The following DNER variants were observed in gnomAD, a reference collection of about 807,000 sequenced individuals.
DNER encodes delta and Notch-like epidermal growth factor-related receptor.
DNER carries 33 observed loss-of-function variants against 78.2 expected under a neutral mutation model. That is an observed-to-expected ratio of 0.42 (90% CI 0.32 to 0.56). DNER has a LOEUF of 0.56. Among genes scored for constraint, DNER ranks in the 20% least tolerant of loss-of-function variants. The probability of loss-of-function intolerance (pLI) is 0.11; values close to 1 mark genes in which losing one functional copy is unlikely to be tolerated. For synonymous variants in DNER, 417 were observed against 384.8 expected, an observed-to-expected ratio of 1.08 and a Z score of -0.98; for missense variants, 918 against 975.3, an observed-to-expected ratio of 0.94 and a Z score of 0.78.
At position 229,386,307 on chromosome 2, in the gene DNER, T is replaced by C. The variant is rs185915948; in HGVS notation, c.1855+1958A>G. Among the ~76,000 whole-genome samples, 416 of 152,268 alleles carry C rather than the reference T, an allele frequency of 2.7e-3. 2 individuals carry two copies. Among genetic ancestry groups the C allele is most frequent in the East Asian group, 0.011 (56 of 5,186 alleles). On this transcript the variant is annotated intron_variant, in intron 11 of 12. Transcript: ENST00000341772. ...AACTGGACCCCTTCCTTACACCTTATACAAAAACTAACTCAAGATGGATAA... is the reference window on the plus strand; with the variant it reads ...AACTGGACCCCTTCCTTACACCTTACACAAAAACTAACTCAAGATGGATAA...
chr2:229,590,852 TAGG>T (rs1488004441), intron 2 of DNER, among the ~76,000 whole-genome samples: 16 of 152,210 alleles, frequency 1.1e-4, no homozygotes. Context: ...TGAGGTCTGG[TAGG>T]AGATGTTTGG....
At chr2:229,653,809 T>C (rs1278943566) in intron 1 of DNER, among the ~76,000 whole-genome samples, 2 of 152,190 alleles carry the variant, frequency 1.3e-5, no homozygotes, top group Non-Finnish European at 2.9e-5. Context: ...CCTTAGGCCA[T>C]CTGATTACCC....
Position 229,447,526 on chromosome 2 carries a change from C to T in DNER, c.1276G>A (p.Ala426Thr), listed in dbSNP as rs1574847384. The change falls in exon 8 of 13, where the codon GCT (alanine) becomes ACT (threonine). Residue 426 changes from alanine (A) to threonine (T), a missense_variant. Transcript: ENST00000341772. ...CQCPEGYFGSACEEKVDPCAS... is the reference protein window; with the variant it reads ...CQCPEGYFGSTCEEKVDPCAS... ...CAGGGGTCCACCTTTTCTTCACAAG[C>T]AGATCCGAAGTATCCTGTGAAAAAA... 6.2e-7 allele frequency: 1 copy of T among 1,614,074 alleles called. No homozygotes were observed. The highest frequency in any genetic ancestry group is 1.1e-5 in the South Asian group (1 of 91,054).
intron 1 of DNER, among the ~76,000 whole-genome samples, chr2:229,648,293 A>G (rs528920144): frequency 1.8e-4 from 27 of 152,354 alleles, no homozygotes; most frequent in African/African-American, 6.3e-4. Context: ...TACCTAGTAG[A>G]TGCTCAATAA....
intron 6 of DNER, among the ~76,000 whole-genome samples, chr2:229,502,441 G>A (rs1695641141): frequency 6.6e-6 from 1 of 152,132 alleles, no homozygotes. Context: ...TTGTCAATAA[G>A]AGAGACAGAG....
chr2:229,487,912 C>G (rs74721862), intron 6 of DNER, among the ~76,000 whole-genome samples: 7 of 152,340 alleles, frequency 4.6e-5, no homozygotes, highest in African/African-American at 1.7e-4. Flanking sequence ...GCCGGGGAAA[C>G]AAGGCTAGGC....
chr2:229,614,350 T>G (rs75611426), intron 1 of DNER, among the ~76,000 whole-genome samples: 6,034 of 152,212 alleles, frequency 0.04, 181 homozygotes, highest in East Asian at 0.13. Flanking sequence ...CATCTGAAGA[T>G]AAGCATCTAA....
intron 1 of DNER, among the ~76,000 whole-genome samples, chr2:229,633,645 G>C (rs1698477173): frequency 6.6e-6 from 1 of 152,200 alleles, no homozygotes; most frequent in African/African-American, 2.4e-5. Context: ...AGGCAGGCTG[G>C]AACAGAAAGC....
intron 5 of DNER, among the ~76,000 whole-genome samples, chr2:229,514,212 A>G (rs1695926458): frequency 6.6e-6 from 1 of 152,222 alleles, no homozygotes; most frequent in African/African-American, 2.4e-5. Context: ...TTACACAGGA[A>G]TAAAATACTA....
intron 7 of DNER, among the ~76,000 whole-genome samples, chr2:229,457,562 G>A (rs1163238220): frequency 1.3e-5 from 2 of 151,804 alleles, no homozygotes; most frequent in Non-Finnish European, 2.9e-5. Flanking sequence ...TAGCTAAGAA[G>A]CCAGTTAAGA....
chr2:229,431,352 G>C (rs1234636049), intron 8 of DNER, among the ~76,000 whole-genome samples: 1 of 152,036 alleles, frequency 6.6e-6, no homozygotes, highest in East Asian at 1.9e-4. Flanking sequence ...GTGTCTAAAG[G>C]CCTTTGACTT....
intron 1 of DNER, among the ~76,000 whole-genome samples, chr2:229,711,226 G>C (rs1699907759): frequency 6.6e-6 from 1 of 152,102 alleles, no homozygotes; most frequent in Non-Finnish European, 1.5e-5. Context: ...GGAACCCCTG[G>C]GCTTTCTTAT....
intron 5 of DNER, among the ~76,000 whole-genome samples, chr2:229,545,694 G>A (rs995249371): frequency 6.6e-6 from 1 of 152,242 alleles, no homozygotes; most frequent in African/African-American, 2.4e-5. Context: ...AGGAGGCAGA[G>A]GAGGAAGCTG....
intron 6 of DNER, among the ~76,000 whole-genome samples, chr2:229,491,350 A>C (rs1317275650): frequency 6.6e-6 from 1 of 152,178 alleles, no homozygotes; most frequent in African/African-American, 2.4e-5. Context: ...GCAGAAAAAG[A>C]AGGCAGCTCT....
chr2:229,549,710 G>A (rs940686875), intron 4 of DNER, among the ~76,000 whole-genome samples: 4 of 152,062 alleles, frequency 2.6e-5, no homozygotes, highest in Non-Finnish European at 5.9e-5. Context: ...AGGAGTTCAA[G>A]ACCAGCCTGG....
chr2:229,407,791 A>AG (rs1049453577), intron 9 of DNER, among the ~76,000 whole-genome samples: 1 of 152,210 alleles, frequency 6.6e-6, no homozygotes, highest in African/African-American at 2.4e-5. Context: ...GAAGAACTGC[A>AG]GGGGAGAGGG....
chr2:229,536,170 T>C lies in DNER; in HGVS notation c.993+10777A>G, dbSNP rs145362486. 6.4e-4 allele frequency among the ~76,000 whole-genome samples: 97 copies of C among 152,344 alleles called. 2 individuals carry two copies. In the East Asian group the frequency reaches 0.017, roughly 26 times the overall value. On this transcript the variant is annotated intron_variant, in intron 5 of 12. Transcript: ENST00000341772. ...AGTACCAACTTGCATCTGATGGTCATTGGCTAGTTACATAGTTAGAGGCTG... is the reference window on the plus strand; with the variant it reads ...AGTACCAACTTGCATCTGATGGTCACTGGCTAGTTACATAGTTAGAGGCTG...
At chr2:229,568,507 A>C (rs1475601031) in intron 4 of DNER, among the ~76,000 whole-genome samples, 1 of 152,234 alleles carries the variant, frequency 6.6e-6, no homozygotes, top group Non-Finnish European at 1.5e-5. Flanking sequence ...AAAGGAAATG[A>C]TTTATAAAAT....
At position 229,505,639 on chromosome 2, in the gene DNER, C is replaced by T. The variant is rs1036361311; in HGVS notation, c.1147+7144G>A. ...ATTTTAAATTGCTACTATGGTTCTA[C>T]GGCTGCCTTAAATTATATTAAACAA... On this transcript the variant is annotated intron_variant, in intron 6 of 12. Coordinates refer to ENST00000341772, the MANE Select transcript of DNER (RefSeq NM_139072.4). Among the ~76,000 whole-genome samples, 7 of 152,126 alleles carry T rather than the reference C, an allele frequency of 4.6e-5. No individual in the cohort carries two copies. In the East Asian group the frequency reaches 5.8e-4, roughly 13 times the overall value.
Sources: allele counts gnomAD v4.1 joint callset (sites outside exome capture counted in the v4.1 genomes callset), GRCh38; gene constraint gnomAD v4.1.1; transcripts MANE v1.5; gene names NCBI Gene and HGNC (gene_info 2026-07-23, HGNC 2026-07-21).